Variants in IL23R observed in about 807,000 individuals in gnomAD.
The protein encoded by IL23R is interleukin-23 receptor.
In IL23R, 34 loss-of-function variants were observed where a neutral mutation model predicts 56.9. The observed-to-expected ratio is 0.60, with a 90% CI of 0.45 to 0.80. IL23R has a LOEUF of 0.80. Ranked by LOEUF, IL23R falls within the 30% of genes least tolerant of loss-of-function variation. The pLI, the probability that IL23R is intolerant of heterozygous loss-of-function variation, is 0.00. For missense variants in IL23R, 635 were observed against 730.0 expected, an observed-to-expected ratio of 0.87 and a Z score of 1.50; for synonymous variants, 230 against 249.2, an observed-to-expected ratio of 0.92 and a Z score of 0.73.
At chr1:67,168,766 CTACTT>C (rs1370500128) in intron 2 of IL23R, among the ~76,000 whole-genome samples, 2 of 152,152 alleles carry the variant, frequency 1.3e-5, no homozygotes, top group Admixed American at 1.3e-4. Flanking sequence ...TCTCGGTTCT[CTACTT>C]TAAAGTAGGA....
chr1:67,256,020 A>G (rs1361508139), intron 10 of IL23R, 93 bp downstream of exon 10: 1 of 731,762 alleles, frequency 1.4e-6, no homozygotes, highest in Non-Finnish European at 2.5e-6. Flanking sequence ...AAATAAATAA[A>G]TGTGCACACA....
At chr1:67,231,845 C>T (rs918807906) in intron 7 of IL23R, 1 of 152,080 alleles carries the variant, frequency 6.6e-6, no homozygotes, top group Non-Finnish European at 1.5e-5. Context: ...CACAGCAAGA[C>T]CTCATCTCTA....
At chr1:67,230,531 T>C (rs1341926099) in intron 7 of IL23R, among the ~76,000 whole-genome samples, 1 of 141,942 alleles carries the variant, frequency 7.0e-6, no homozygotes, top group Non-Finnish European at 1.6e-5. Context: ...CTACTGCTTT[T>C]TGCCTTTTCC....
chr1:67,158,658 T>C (rs1646791008), intron 1 of IL23R, among the ~76,000 whole-genome samples: 1 of 152,104 alleles, frequency 6.6e-6, no homozygotes, highest in South Asian at 2.1e-4. Context: ...TGGACCTGTT[T>C]TAGCTAGTCC....
upstream of IL23R, among the ~76,000 whole-genome samples, chr1:67,163,928 A>C (rs1342332658): frequency 6.6e-6 from 1 of 152,210 alleles, no homozygotes; most frequent in Non-Finnish European, 1.5e-5. Flanking sequence ...AAACATAGGG[A>C]AAAACCTCTT....
chr1:67,153,957 A>G (rs1646750503), intron 1 of IL23R, among the ~76,000 whole-genome samples: 1 of 152,002 alleles, frequency 6.6e-6, no homozygotes, highest in Non-Finnish European at 1.5e-5. Context: ...TTTAGTGGAG[A>G]CAGGGTTTCA....
At chr1:67,198,110 T>G (rs1173764416) in intron 4 of IL23R, among the ~76,000 whole-genome samples, 1 of 152,082 alleles carries the variant, frequency 6.6e-6, no homozygotes, top group African/African-American at 2.4e-5. Flanking sequence ...CTGCCTGAAC[T>G]CAGAGGGAGA....
At chr1:67,230,650 C>T (rs1168848545) in intron 7 of IL23R, among the ~76,000 whole-genome samples, 1 of 152,176 alleles carries the variant, frequency 6.6e-6, no homozygotes, top group African/African-American at 2.4e-5. Flanking sequence ...AAGATAAACC[C>T]TTGAATATGT....
chr1:67,167,045 T>C lies in IL23R; in HGVS notation c.-30+504T>C, dbSNP rs74082142. ...TAGTTGTAAACTAACAACGGTATTA[T>C]TAGGAATTTCTATAACGTGTTCCTT... On this transcript the variant is annotated intron_variant, in intron 1 of 10. Transcript: ENST00000347310. Among the ~76,000 whole-genome samples the C allele has an allele frequency of 2.5e-3, 375 of 152,334 alleles. 1 individual carries two copies. The highest frequency in any genetic ancestry group is 8.2e-3 in the African/African-American group (343 of 41,578).
chr1:67,225,438 C>T (rs746769578), intron 7 of IL23R, among the ~76,000 whole-genome samples: 1 of 151,968 alleles, frequency 6.6e-6, no homozygotes, highest in African/African-American at 2.4e-5. Context: ...TGTGCTTTAC[C>T]AGCTAATTAT....
intron 4 of IL23R, among the ~76,000 whole-genome samples, chr1:67,191,958 T>A (rs188758850): frequency 9.2e-6 from 1 of 108,836 alleles, no homozygotes; most frequent in African/African-American, 3.4e-5. Flanking sequence ...GAGCTCTATA[T>A]TTTGTCAGCC....
intron 1 of IL23R, among the ~76,000 whole-genome samples, 154 bp from the exon 2 acceptor site, chr1:67,167,938 T>C (rs191072317): frequency 2.6e-4 from 39 of 152,174 alleles, no homozygotes; most frequent in Admixed American, 1.4e-3. Context: ...TTCTTTGCTC[T>C]GTTTCCTTCC....
intron 6 of IL23R, among the ~76,000 whole-genome samples, chr1:67,211,128 C>T (rs900005986): frequency 1.3e-5 from 2 of 152,146 alleles, no homozygotes; most frequent in African/African-American, 4.8e-5. Context: ...TAAATGGGAT[C>T]CACGTTCTGC....
At position 67,168,205 on chromosome 1, in the gene IL23R, G is replaced by C; in HGVS notation, c.70+15G>C. ...GTGTCATGGAGGTATGGTGTTTTAT[G>C]TATCTATTGCTATCTTTCATTCAAC... On this transcript the variant is annotated intron_variant, in intron 2 of 10. Transcript: ENST00000347310. 1.3e-6 allele frequency: 2 copies of C among 1,552,246 alleles called. No homozygotes were observed. Among genetic ancestry groups the C allele is most frequent in the Non-Finnish European group, 1.8e-6 (2 of 1,124,022 alleles).
At chr1:67,226,478 G>A (rs1289406902) in intron 7 of IL23R, among the ~76,000 whole-genome samples, 1 of 152,168 alleles carries the variant, frequency 6.6e-6, no homozygotes, top group African/African-American at 2.4e-5. Context: ...CGTCCCCAGG[G>A]GAACTTCTCT....
Position 67,200,829 on chromosome 1 carries a change from G to C in IL23R, c.584G>C (p.Trp195Ser). The C allele has an allele frequency of 6.2e-7, 1 of 1,614,040 alleles. No homozygotes were observed. The highest frequency in any genetic ancestry group is 8.5e-7 in the Non-Finnish European group (1 of 1,180,010). Residue 195 changes from tryptophan to serine, a missense_variant, in exon 5 of 11, where the codon TGG becomes TCG. Trp to Ser is a radical substitution (Grantham distance 177). Coordinates refer to ENST00000347310, the MANE Select transcript of IL23R (RefSeq NM_144701.3). ...CAAGGTGGCAAGAAGTACTTGGTTTGGGTCCAAGCAGCAAACGCACTAGGC... is the reference window on the plus strand; with the variant it reads ...CAAGGTGGCAAGAAGTACTTGGTTTCGGTCCAAGCAGCAAACGCACTAGGC... Reference protein sequence around the residue: ...SLQGGKKYLVWVQAANALGME... With the variant: ...SLQGGKKYLVSVQAANALGME...
chr1:67,169,343 A>T lies in IL23R; in HGVS notation c.72A>T (p.Gly24=). 1.9e-6 allele frequency: 3 copies of T among 1,601,622 alleles called. No homozygotes were observed. The highest frequency in any genetic ancestry group is 2.6e-6 in the Non-Finnish European group (3 of 1,171,354). ...TATTATTTTTCCATTTATTTCTAGG[A>T]ATTACAAATATAAACTGCTCTGGCC... ...LYILFSWCHG[G]ITNINCSGHI... is the part of the protein sequence containing the mutation. Residue 24 remains glycine, a splice_region_variant and synonymous_variant, in exon 3 of 11, where the codon GGA becomes GGT. Coordinates refer to ENST00000347310, the MANE Select transcript of IL23R (RefSeq NM_144701.3).
intron 1 of IL23R, among the ~76,000 whole-genome samples, chr1:67,167,133 C>T (rs1286472541): frequency 1.3e-5 from 2 of 152,288 alleles, no homozygotes; most frequent in East Asian, 3.9e-4. Context: ...GACAAGGTCT[C>T]ACTCTGTCGC....
chr1:67,265,427 A>G, the IL23R span, among the ~76,000 whole-genome samples: 5 of 152,356 alleles, frequency 3.3e-5, no homozygotes, highest in South Asian at 2.1e-4. Flanking sequence ...ATGATAAAAT[A>G]TGATATTGTC....
Sources: allele counts gnomAD v4.1 joint callset (sites outside exome capture counted in the v4.1 genomes callset), GRCh38; gene constraint gnomAD v4.1.1; transcripts MANE v1.5; gene names NCBI Gene and HGNC (gene_info 2026-07-23, HGNC 2026-07-21).